SPTBN1: variants seen among roughly 807,000 people sequenced by gnomAD.
The protein encoded by SPTBN1 is spectrin beta chain, non-erythrocytic 1.
SPTBN1 carries 32 observed loss-of-function variants against 266.4 expected under a neutral mutation model. The ratio of observed to expected loss-of-function variants is 0.12; its 90% CI spans 0.09 to 0.16. SPTBN1 has a LOEUF of 0.16. Ranked by LOEUF, SPTBN1 falls within the 10% of genes least tolerant of loss-of-function variation. SPTBN1 has a pLI of 1.00. For synonymous variants in SPTBN1, 1,336 were observed against 1,162.2 expected (o/e 1.15, Z -3.04); for missense variants, 2,296 against 3,067.1 (o/e 0.75, Z 5.94).
In SPTBN1 at chr2:54,621,634, A is replaced by G. The variant is rs1677998749; in HGVS notation, c.876+122A>G. The stretch of plus-strand genomic sequence containing the variant: ...GTAGTGGACTCTCCGGATGGTAGGG[A>G]AATCGGCAGAAGCCTCTTCATCCTG... On this transcript the variant is annotated intron_variant, in intron 8 of 35. Coordinates refer to ENST00000356805, the MANE Select transcript of SPTBN1 (RefSeq NM_003128.3). 6 of 667,066 alleles carry G rather than the reference A, an allele frequency of 9.0e-6. No individual in the cohort carries two copies. In the East Asian group the frequency reaches 1.7e-4, roughly 18 times the overall value. The allele number at this position is 667,066 out of a possible 1,614,324, so 41.3% of individuals were successfully genotyped here.
rs114249942 is a variant in SPTBN1 at position 54,537,186 on chromosome 2, G to A, written c.148+10620G>A. On this transcript the variant is annotated intron_variant, in intron 2 of 35. Coordinates refer to ENST00000356805, the MANE Select transcript of SPTBN1 (RefSeq NM_003128.3). ...CTCATTCATTGGAACCCTCTGCTTAGTATCTGCTCCTCCTTGACTCAGCTC... is the reference window on the plus strand; with the variant it reads ...CTCATTCATTGGAACCCTCTGCTTAATATCTGCTCCTCCTTGACTCAGCTC... Among the ~76,000 whole-genome samples, 386 of 152,326 alleles carry A rather than the reference G, an allele frequency of 2.5e-3. 2 individuals carry two copies. Among genetic ancestry groups the A allele is most frequent in the African/African-American group, 8.8e-3 (365 of 41,564 alleles).
At chr2:54,508,518 T>TGGGCTAGCGGGTTCTAAGAGGC (rs368243336) in intron 1 of SPTBN1, among the ~76,000 whole-genome samples, 1 of 152,060 alleles carries the variant, frequency 6.6e-6, no homozygotes, top group Non-Finnish European at 1.5e-5. Flanking sequence ...TTCTAAGAGG[T>TGGGCTAGCGGGTTCTAAGAGGC]GGGCTAGCGG....
chr2:54,635,739 T>C (rs1000022489), intron 17 of SPTBN1, among the ~76,000 whole-genome samples: 2 of 152,238 alleles, frequency 1.3e-5, no homozygotes, highest in African/African-American at 4.8e-5. Flanking sequence ...TGGAATCCTT[T>C]ATCCCTTTGA....
intron 1 of SPTBN1, among the ~76,000 whole-genome samples, chr2:54,473,518 A>G (rs200478126): frequency 3.2e-5 from 3 of 94,298 alleles, no homozygotes; most frequent in South Asian, 3.2e-4. Context: ...TTTTTTAAGC[A>G]CACACGCACA....
At chr2:54,580,540 TTG>T (rs1343875519) in intron 2 of SPTBN1, among the ~76,000 whole-genome samples, 5 of 152,054 alleles carry the variant, frequency 3.3e-5, no homozygotes, top group African/African-American at 1.2e-4. Context: ...AGCTGCTTAT[TTG>T]TGTGTGTGTT....
At chr2:54,486,149 G>A (rs1253534896) in intron 1 of SPTBN1, among the ~76,000 whole-genome samples, 9 of 139,788 alleles carry the variant, frequency 6.4e-5, no homozygotes, top group East Asian at 4.6e-4. Context: ...GGTGAGGGGC[G>A]CCTCTGCCCG....
At chr2:54,581,067 C>T (rs1457254633) in intron 2 of SPTBN1, among the ~76,000 whole-genome samples, 3 of 151,628 alleles carry the variant, frequency 2.0e-5, no homozygotes, top group African/African-American at 7.3e-5. Flanking sequence ...CACTGCACTC[C>T]AGCCTGGGCA....
chr2:54,481,035 C>T (rs1668067921), intron 1 of SPTBN1, among the ~76,000 whole-genome samples: 1 of 152,010 alleles, frequency 6.6e-6, no homozygotes, highest in Admixed American at 6.5e-5. Flanking sequence ...CATCCTGGTG[C>T]CATGGTGAGC....
chr2:54,461,781 T>A (rs943151334), intron 1 of SPTBN1, among the ~76,000 whole-genome samples: 1 of 152,256 alleles, frequency 6.6e-6, no homozygotes, highest in African/African-American at 2.4e-5. Flanking sequence ...AATTTGTAGT[T>A]CTGTATGTAG....
rs2103941254 is a variant in SPTBN1 at position 54,631,421 on chromosome 2, G to A, written c.3374G>A (p.Gly1125Asp). Residue 1125 changes from glycine (G) to aspartate (D), a missense_variant, in exon 16 of 36, where the codon GGC becomes GAC. Gly to Asp is a moderately conservative substitution (Grantham distance 94). Coordinates refer to ENST00000356805, the MANE Select transcript of SPTBN1 (RefSeq NM_003128.3). The part of the protein sequence containing the change: ...EEDYQKMRDM[G>D]EMVTQGQTDA... ...GACTACCAGAAGATGAGGGACATGG[G>A]CGAGATGGTCACCCAGGGGCAGACC... 1 of 1,614,270 alleles carries A rather than the reference G, an allele frequency of 6.2e-7. No individual in the cohort carries two copies. Among genetic ancestry groups the A allele is most frequent in the Admixed American group, 1.7e-5 (1 of 60,038 alleles).
chr2:54,485,001 T>C (rs1668278561), intron 1 of SPTBN1, among the ~76,000 whole-genome samples: 1 of 152,206 alleles, frequency 6.6e-6, no homozygotes, highest in African/African-American at 2.4e-5. Context: ...TAAATGTTTA[T>C]GAAAGACAGT....
chr2:54,600,072 A>G (rs1465435686), intron 3 of SPTBN1, among the ~76,000 whole-genome samples: 1 of 152,204 alleles, frequency 6.6e-6, no homozygotes, highest in Non-Finnish European at 1.5e-5. Context: ...GGAAAATATG[A>G]TGCTGGCAGT....
At chr2:54,655,841 G>T in intron 28 of SPTBN1, 73 bp from the exon 29 acceptor site, 2 of 1,145,384 alleles carry the variant, frequency 1.7e-6, no homozygotes, top group Non-Finnish European at 2.6e-6. Flanking sequence ...TATTTTTCTA[G>T]TATAAAATGA....
At chr2:54,604,885 A>G (rs1432150615) in intron 3 of SPTBN1, among the ~76,000 whole-genome samples, 1 of 152,152 alleles carries the variant, frequency 6.6e-6, no homozygotes, top group Admixed American at 6.5e-5. Context: ...CCTCAGAGGA[A>G]CTGCTCTCTG....
Position 54,646,316 on chromosome 2 carries a change from C to T in SPTBN1, c.4707C>T (p.Asp1569=), listed in dbSNP as rs370586177. The change falls in exon 23 of 36, where the codon GAC becomes GAT. Residue 1569 remains aspartate (D), a synonymous_variant. Transcript: ENST00000356805. This position sits in a 1 kb window ranked among gnomAD's most constrained non-coding sequence, Gnocchi z 4.4. ...AGGCCATCAGACAGAGGCTTGCCGA[C>T]CTGAAGCAGCTGTGGGGTCTCCTCA... ...SAEAIRQRLA[D]LKQLWGLLIE... is the part of the protein sequence containing the mutation. 9 of 1,614,210 alleles carry T rather than the reference C, an allele frequency of 5.6e-6. No individual in the cohort carries two copies. The African/African-American group carries it at 1.1e-4, about 19-fold the overall frequency.
At chr2:54,659,399 T>G in intron 31 of SPTBN1, 133 bp downstream of exon 31, 1 of 842,658 alleles carries the variant, frequency 1.2e-6, no homozygotes, top group Admixed American at 2.3e-5. Flanking sequence ...CATAGACTGT[T>G]TAAAGGCTGT....
chr2:54,525,545 T>C (rs1369925601), intron 1 of SPTBN1, among the ~76,000 whole-genome samples: 1 of 152,200 alleles, frequency 6.6e-6, no homozygotes, highest in Non-Finnish European at 1.5e-5. Context: ...TACATCTTAA[T>C]CTTAAGCATC....
At chr2:54,601,030 C>A (rs1443116311) in intron 3 of SPTBN1, among the ~76,000 whole-genome samples, 1 of 151,998 alleles carries the variant, frequency 6.6e-6, no homozygotes, top group Admixed American at 6.6e-5. Context: ...ACCAGTAAAG[C>A]ATAATTCTTA....
intron 1 of SPTBN1, among the ~76,000 whole-genome samples, chr2:54,475,855 A>G (rs73932848): frequency 0.031 from 4,748 of 152,182 alleles, 252 homozygotes; most frequent in African/African-American, 0.11. Flanking sequence ...ACAAACTACA[A>G]ACAAAACTTT....
Sources: allele counts gnomAD v4.1 joint callset (sites outside exome capture counted in the v4.1 genomes callset), GRCh38; gene constraint gnomAD v4.1.1; non-coding constraint Gnocchi (gnomAD v3.1); transcripts MANE v1.5; gene names NCBI Gene and HGNC (gene_info 2026-07-23, HGNC 2026-07-21).